The following ARIH2 variants were observed in gnomAD, a reference collection of about 807,000 sequenced individuals.
The protein encoded by ARIH2 is ariadne RBR E3 ubiquitin protein ligase 2.
Under a neutral mutation model 79.8 loss-of-function variants are expected in ARIH2, and 12 were observed. The observed-to-expected ratio is 0.15, with a 90% CI of 0.10 to 0.24. The LOEUF is 0.24. Among genes scored for constraint, ARIH2 ranks in the 10% least tolerant of loss-of-function variants. The pLI is 1.00. For missense variants in ARIH2, 301 were observed against 618.3 expected, an observed-to-expected ratio of 0.49 and a Z score of 5.44; for synonymous variants, 224 against 213.9, an observed-to-expected ratio of 1.05 and a Z score of -0.41.
intron 1 of ARIH2, among the ~76,000 whole-genome samples, chr3:48,919,844 A>G (rs2084522537): frequency 6.6e-6 from 1 of 152,170 alleles, no homozygotes; most frequent in Non-Finnish European, 1.5e-5. Context: ...ACCTGAATTC[A>G]GCGCTAGTGA....
At position 48,919,283 on chromosome 3, in the gene ARIH2, G is replaced by C. The variant is rs574396724; in HGVS notation, c.-162+285G>C. On this transcript the variant is annotated intron_variant, in intron 1 of 15. Transcript: ENST00000356401. ...CGGCACATCTAGGCCCTCTCTCCCT[G>C]TCTGGCGCGGCGGGGAAACGCGCCG... 45 of 1,098,706 alleles carry C rather than the reference G, an allele frequency of 4.1e-5. No homozygotes were observed. In the South Asian group the frequency reaches 1.7e-3, roughly 42 times the overall value. 68.1% of individuals were successfully genotyped at this position (1,098,706 alleles called of 1,614,324 possible).
rs113792184 is a variant in ARIH2, at chr3:48,973,411, A to G, written c.771-288A>G. 4.7e-3 allele frequency among the ~76,000 whole-genome samples: 717 copies of G among 152,234 alleles called. 4 individuals carry two copies. The highest frequency in any genetic ancestry group is 0.017 in the Middle Eastern group (5 of 294). On this transcript the variant is annotated intron_variant, in intron 8 of 15. Coordinates refer to ENST00000356401, the MANE Select transcript of ARIH2 (RefSeq NM_006321.4). Reference sequence around the variant, plus strand: ...GCTAACACGGTGAAACCCCGTCTCTACTAAAAATACAAAAAATTAGCCGGG... The same window carrying G: ...GCTAACACGGTGAAACCCCGTCTCTGCTAAAAATACAAAAAATTAGCCGGG...
At chr3:48,945,777 C>T (rs2089038697) in intron 3 of ARIH2, among the ~76,000 whole-genome samples, 2 of 152,006 alleles carry the variant, frequency 1.3e-5, no homozygotes, top group Admixed American at 1.3e-4. Context: ...GGTGGACTTG[C>T]AATTTGTGAT....
At position 48,973,826 on chromosome 3, in the gene ARIH2, G is replaced by A. The variant is rs201128282; in HGVS notation, c.888+10G>A. The A allele has an allele frequency of 3.6e-4, 573 of 1,590,316 alleles. No individual in the cohort carries two copies. The highest frequency in any genetic ancestry group is 5.7e-4 in the Admixed American group (34 of 59,694). ...TGCTCACACTAAAGACGTAAGGACC[G>A]TATTTTACCTCTCATGGATTTGCCC... On this transcript the variant is annotated intron_variant, in intron 9 of 15. Transcript: ENST00000356401.
chr3:48,937,171 G>C (rs1331267190), intron 3 of ARIH2, among the ~76,000 whole-genome samples: 3 of 152,194 alleles, frequency 2.0e-5, no homozygotes, highest in African/African-American at 7.2e-5. Context: ...AACAAAATGT[G>C]GTCTATATCT....
At chr3:48,926,310 C>T (rs2085599791) in intron 2 of ARIH2, among the ~76,000 whole-genome samples, 1 of 151,800 alleles carries the variant, frequency 6.6e-6, no homozygotes, top group Admixed American at 6.6e-5. Context: ...TTTTATTGCC[C>T]AGGCTGGAGT....
chr3:48,973,906 A>T, intron 9 of ARIH2, 90 bp downstream of exon 9: 20 of 1,002,448 alleles, frequency 2.0e-5, no homozygotes, highest in Non-Finnish European at 3.1e-5. Flanking sequence ...AGAGCAGAAT[A>T]CCCAGAGCCC....
intron 3 of ARIH2, among the ~76,000 whole-genome samples, chr3:48,942,985 G>A (rs1204242414): frequency 2.0e-5 from 3 of 151,860 alleles, no homozygotes; most frequent in Non-Finnish European, 4.4e-5. Context: ...CACCATGTTG[G>A]CCAAGCTGGT....
chr3:48,932,990 A>G (rs1297251707), intron 3 of ARIH2, among the ~76,000 whole-genome samples: 1 of 152,186 alleles, frequency 6.6e-6, no homozygotes, highest in Non-Finnish European at 1.5e-5. Context: ...ATGTATAGGT[A>G]GAAAGGAATA....
At chr3:48,953,562 C>T (rs758654369) in intron 3 of ARIH2, among the ~76,000 whole-genome samples, 27 of 151,924 alleles carry the variant, frequency 1.8e-4, no homozygotes, top group Non-Finnish European at 1.3e-4. Flanking sequence ...TCACAACGCC[C>T]GGCTAATTAT....
chr3:48,948,320 G>A (rs2089488070), intron 3 of ARIH2, among the ~76,000 whole-genome samples: 1 of 151,742 alleles, frequency 6.6e-6, no homozygotes, highest in Admixed American at 6.6e-5. Context: ...CCAGGCTGGA[G>A]TGCAATGGCG....
intron 3 of ARIH2, among the ~76,000 whole-genome samples, chr3:48,950,937 TTTTC>T (rs1252468967): frequency 5.3e-5 from 8 of 151,536 alleles, no homozygotes; most frequent in Non-Finnish European, 1.5e-5. Context: ...TGACTTTGTA[TTTTC>T]TTTCTTCTTC....
chr3:48,967,615 G>A (rs564026321), intron 6 of ARIH2, among the ~76,000 whole-genome samples: 1 of 152,150 alleles, frequency 6.6e-6, no homozygotes, highest in Non-Finnish European at 1.5e-5. Context: ...TGCTATTTAG[G>A]TAACATAGCA....
At chr3:48,962,301 C>G (rs961290520) in intron 4 of ARIH2, among the ~76,000 whole-genome samples, 1 of 151,918 alleles carries the variant, frequency 6.6e-6, no homozygotes, top group Admixed American at 6.6e-5. Flanking sequence ...CGCTTAAACC[C>G]TGGAGGCAGA....
chr3:48,945,177 C>G (rs1275191344), intron 3 of ARIH2: 1 of 1,289,792 alleles, frequency 7.8e-7, no homozygotes, highest in Non-Finnish European at 1.0e-6. Context: ...CTCCCTATGG[C>G]ACTGGTAAGT....
At chr3:48,968,872 C>A (rs924054318) in intron 7 of ARIH2, among the ~76,000 whole-genome samples, 5 of 152,134 alleles carry the variant, frequency 3.3e-5, no homozygotes, top group Non-Finnish European at 5.9e-5. Flanking sequence ...TTGGATACTT[C>A]CTTTCTTTGT....
In ARIH2 at chr3:48,986,095, G is replaced by C. The variant is rs566106540; in HGVS notation, c.*2825G>C. ...GTGGCAGTAGTGTCAGTGATAAGTAGCTCAGGGGTAGAGTGGAGGCTCCAT... is the reference window on the plus strand; with the variant it reads ...GTGGCAGTAGTGTCAGTGATAAGTACCTCAGGGGTAGAGTGGAGGCTCCAT... On this transcript the variant is annotated 3_prime_UTR_variant, in exon 16 of 16. Coordinates refer to ENST00000356401, the MANE Select transcript of ARIH2 (RefSeq NM_006321.4). 3 of 152,168 alleles carry C rather than the reference G, an allele frequency of 2.0e-5. No homozygotes were observed. Among genetic ancestry groups the C allele is most frequent in the Admixed American group, 6.5e-5 (1 of 15,270 alleles). 9.4% of individuals were successfully genotyped at this position (152,168 alleles called of 1,614,324 possible).
At chr3:48,974,698 C>T in intron 9 of ARIH2, 119 bp from the exon 10 acceptor site, 2 of 976,716 alleles carry the variant, frequency 2.0e-6, no homozygotes, top group South Asian at 2.6e-5. Context: ...GTGAGGTGCT[C>T]CTCCCCAGAA....
intron 14 of ARIH2, chr3:48,982,628 T>A (rs1291515137): frequency 2.4e-6 from 1 of 412,018 alleles, no homozygotes; most frequent in Non-Finnish European, 4.4e-6. Context: ...TTCTCTTTAG[T>A]GGCTTAAATT....
Sources: gnomAD v4.1 joint callset for allele counts (sites outside exome capture counted in the v4.1 genomes callset) on GRCh38, gnomAD v4.1.1 for gene constraint, MANE v1.5 for transcripts, NCBI Gene and HGNC (gene_info 2026-07-23, HGNC 2026-07-21) for gene names.